Variants in KCNH7 observed in about 807,000 individuals in gnomAD.
KCNH7 encodes voltage-gated inwardly rectifying potassium channel KCNH7.
A neutral mutation model predicts 120.8 loss-of-function variants in KCNH7; 49 were observed. That is an observed-to-expected ratio of 0.41 (90% CI 0.32 to 0.51). KCNH7 has a LOEUF of 0.51. Ranked by LOEUF, KCNH7 falls within the 20% of genes least tolerant of loss-of-function variation. The probability of loss-of-function intolerance (pLI) is 0.38; values close to 1 mark genes in which losing one functional copy is unlikely to be tolerated. For synonymous variants in KCNH7, 547 were observed against 516.1 expected (o/e 1.06, Z -0.81); for missense variants, 1,097 against 1,446.6 (o/e 0.76, Z 3.92).
At chr2:162,777,765 G>T (rs562487717) in intron 2 of KCNH7, among the ~76,000 whole-genome samples, 1 of 152,164 alleles carries the variant, frequency 6.6e-6, no homozygotes, top group Non-Finnish European at 1.5e-5. Flanking sequence ...TTCAATCAAG[G>T]TTAAAATACA....
At chr2:162,459,601 C>T (rs1050928556) in intron 6 of KCNH7, among the ~76,000 whole-genome samples, 2 of 152,118 alleles carry the variant, frequency 1.3e-5, no homozygotes, top group Non-Finnish European at 2.9e-5. Flanking sequence ...GGCCTTAGGT[C>T]TTTCAGTGTA....
intron 3 of KCNH7, among the ~76,000 whole-genome samples, chr2:162,532,207 A>G (rs1691947875): frequency 6.6e-6 from 1 of 151,962 alleles, no homozygotes; most frequent in African/African-American, 2.4e-5. Context: ...GGCTCAGAAA[A>G]GCACACTGCA....
At position 162,371,676 on chromosome 2, in the gene KCNH7, C is replaced by T; in HGVS notation, c.*153G>A. The T allele has an allele frequency of 2.3e-6, 2 of 860,614 alleles. No individual in the cohort carries two copies. The highest frequency in any genetic ancestry group is 2.1e-5 in the South Asian group (1 of 46,800). The allele number at this position is 860,614 out of a possible 1,614,324, so 53.3% of individuals were successfully genotyped here. ...TTTACATCCTAACTGCTCAGTTTTA[C>T]CTTACAAGCTTCAATTTAGGAAAAT... On this transcript the variant is annotated 3_prime_UTR_variant, in exon 16 of 16. Transcript: ENST00000332142.
intron 4 of KCNH7, among the ~76,000 whole-genome samples, chr2:162,516,107 G>A (rs541450658): frequency 4.6e-5 from 7 of 151,714 alleles, no homozygotes; most frequent in East Asian, 3.9e-4. Context: ...AATATTTATC[G>A]CGTATCTGCC....
At chr2:162,577,291 G>GTCTA (rs201620270) in intron 2 of KCNH7, among the ~76,000 whole-genome samples, 18,381 of 126,944 alleles carry the variant, frequency 0.14, 1,590 homozygotes, top group East Asian at 0.28. Flanking sequence ...AGATCTATCT[G>GTCTA]TCTATCTATC....
chr2:162,721,170 T>A (rs560725075), intron 2 of KCNH7, among the ~76,000 whole-genome samples: 11 of 152,280 alleles, frequency 7.2e-5, no homozygotes, highest in African/African-American at 2.6e-4. Context: ...AGAGCATAGA[T>A]GATAGTAAAA....
intron 1 of KCNH7, 22 bp from the exon 2 acceptor site, chr2:162,836,789 G>A (rs1217838862): frequency 2.6e-6 from 4 of 1,538,514 alleles, no homozygotes; most frequent in African/African-American, 1.4e-5. Context: ...AGACAGTATG[G>A]CATCTTTGAA....
intron 2 of KCNH7, among the ~76,000 whole-genome samples, chr2:162,614,959 C>A (rs566158257): frequency 1.3e-5 from 2 of 151,994 alleles, no homozygotes; most frequent in South Asian, 2.1e-4. Flanking sequence ...AAGATAAATT[C>A]ATAAAGTATT....
chr2:162,430,981 C>T (rs902160840), intron 8 of KCNH7, among the ~76,000 whole-genome samples: 1 of 151,876 alleles, frequency 6.6e-6, no homozygotes, highest in Non-Finnish European at 1.5e-5. Flanking sequence ...TCACAGTCTT[C>T]CTTTTTTATT....
intron 3 of KCNH7, 33 bp downstream of exon 3, chr2:162,536,892 A>G (rs1186847316): frequency 6.3e-7 from 1 of 1,580,238 alleles, no homozygotes; most frequent in Non-Finnish European, 8.7e-7. Flanking sequence ...CAGAATTATC[A>G]AGAGCATTGA....
chr2:162,602,884 C>T (rs566623765), intron 2 of KCNH7, among the ~76,000 whole-genome samples: 122 of 147,762 alleles, frequency 8.3e-4, no homozygotes, highest in African/African-American at 2.8e-3. Context: ...AGAATTAAGA[C>T]GTAAAAATGT....
chr2:162,816,906 C>A (rs1187136104), intron 2 of KCNH7, among the ~76,000 whole-genome samples: 1 of 151,958 alleles, frequency 6.6e-6, no homozygotes, highest in African/African-American at 2.4e-5. Context: ...GAAAATTCAA[C>A]TAACAGAATA....
chr2:162,446,134 C>G lies in KCNH7; in HGVS notation c.1438G>C (p.Glu480Gln). The G allele has an allele frequency of 6.2e-7, 1 of 1,613,790 alleles. No individual in the cohort carries two copies. The highest frequency in any genetic ancestry group is 8.5e-7 in the Non-Finnish European group (1 of 1,179,764). The change falls in exon 7 of 16, where the codon GAA (glutamate) becomes CAA (glutamine). Residue 480 changes from glutamate to glutamine, a missense_variant. Coordinates refer to ENST00000332142, the MANE Select transcript of KCNH7 (RefSeq NM_033272.4). ...ATTTTGGCGGGATCACTTACCACTT[C>G]TTCATTCTGATTTACATATGTTGTT... is the stretch of plus-strand genomic sequence containing the variant. ...FRTTYVNQNE[E>Q]VVSDPAKIAI...
chr2:162,531,656 T>C (rs1355637826), intron 3 of KCNH7, among the ~76,000 whole-genome samples: 1 of 151,984 alleles, frequency 6.6e-6, no homozygotes, highest in Non-Finnish European at 1.5e-5. Flanking sequence ...TTTTTTTTTC[T>C]AAATATGTCA....
chr2:162,631,566 AAAATCTGTGAAGAAAAAGGTT>A (rs1390717092), intron 2 of KCNH7, among the ~76,000 whole-genome samples: 53 of 152,170 alleles, frequency 3.5e-4, no homozygotes, highest in South Asian at 6.2e-4. Flanking sequence ...GAATTACAGA[AAAATCTGTGAAGAAAAAGGTT>A]ATTGCTAAAA....
intron 2 of KCNH7, among the ~76,000 whole-genome samples, chr2:162,716,733 A>C (rs1687136864): frequency 6.6e-6 from 1 of 152,176 alleles, no homozygotes; most frequent in Admixed American, 6.6e-5. Context: ...GAAGGAGCAC[A>C]AGTTTTGGAG....
intron 2 of KCNH7, among the ~76,000 whole-genome samples, chr2:162,748,854 CCCCTT>C (rs1218963146): frequency 7.1e-5 from 5 of 70,368 alleles, no homozygotes; most frequent in African/African-American, 3.2e-4. Flanking sequence ...TCCCTCCCCT[CCCCTT>C]CCCTCCCCTC....
intron 12 of KCNH7, among the ~76,000 whole-genome samples, chr2:162,387,020 A>G (rs533051810): frequency 1.3e-5 from 2 of 151,610 alleles, no homozygotes; most frequent in Admixed American, 6.6e-5. Flanking sequence ...CTTCATATAC[A>G]TAGGACAGAA....
chr2:162,531,358 T>C (rs1428807361), intron 3 of KCNH7, among the ~76,000 whole-genome samples: 1 of 152,000 alleles, frequency 6.6e-6, no homozygotes, highest in Non-Finnish European at 1.5e-5. Context: ...GCTGCTGATA[T>C]ACCCTCCCTT....
Sources: gnomAD v4.1 joint callset for allele counts (sites outside exome capture counted in the v4.1 genomes callset) on GRCh38, gnomAD v4.1.1 for gene constraint, MANE v1.5 for transcripts, NCBI Gene and HGNC (gene_info 2026-07-23, HGNC 2026-07-21) for gene names.